Variants in SCN11A observed in about 807,000 individuals in gnomAD.
SCN11A encodes sodium voltage-gated channel alpha subunit 11.
In SCN11A, 122 loss-of-function variants were observed where a neutral mutation model predicts 162.2. The observed-to-expected ratio is 0.75, with a 90% CI of 0.65 to 0.87. SCN11A has a LOEUF of 0.87. Ranked by LOEUF, SCN11A falls within the 40% of genes least tolerant of loss-of-function variation. The pLI is 0.00. For synonymous variants in SCN11A, 758 were observed against 751.5 expected, an observed-to-expected ratio of 1.01 and a Z score of -0.14; for missense variants, 2,015 against 2,181.6, an observed-to-expected ratio of 0.92 and a Z score of 1.52.
intron 16 of SCN11A, among the ~76,000 whole-genome samples, chr3:38,901,746 G>A (rs1181555367): frequency 6.6e-6 from 1 of 152,170 alleles, no homozygotes; most frequent in Non-Finnish European, 1.5e-5. Flanking sequence ...TAGTGTGGCT[G>A]CCATTTTGGT....
At chr3:38,909,925 T>C in intron 12 of SCN11A, 141 bp downstream of exon 12, 1 of 904,418 alleles carries the variant, frequency 1.1e-6, no homozygotes, top group South Asian at 1.8e-5. Flanking sequence ...ACAGTACAAC[T>C]GTTAAAGATG....
At chr3:38,913,670 G>A (rs1334209109) in intron 11 of SCN11A, among the ~76,000 whole-genome samples, 1 of 152,114 alleles carries the variant, frequency 6.6e-6, no homozygotes, top group Non-Finnish European at 1.5e-5. Flanking sequence ...GTTGATTTTT[G>A]TATATGGTGT....
At chr3:39,036,567 A>C (rs1264521680) in intron 1 of SCN11A, among the ~76,000 whole-genome samples, 1 of 152,238 alleles carries the variant, frequency 6.6e-6, no homozygotes, top group Non-Finnish European at 1.5e-5. Flanking sequence ...TGAAGAGAGA[A>C]TACATAGAAC....
At chr3:38,909,802 C>G (rs2065860246) in intron 12 of SCN11A, among the ~76,000 whole-genome samples, 2 of 151,936 alleles carry the variant, frequency 1.3e-5, no homozygotes, top group Non-Finnish European at 2.9e-5. Flanking sequence ...AGGCTGGTCT[C>G]AAACTCCTGA....
At chr3:38,942,816 A>G (rs1164995504) in intron 7 of SCN11A, among the ~76,000 whole-genome samples, 2 of 152,196 alleles carry the variant, frequency 1.3e-5, no homozygotes, top group Non-Finnish European at 2.9e-5. Context: ...TTAAAATCAA[A>G]GCAAATTGAA....
chr3:38,909,851 C>T (rs569915800), intron 12 of SCN11A, among the ~76,000 whole-genome samples: 36 of 152,060 alleles, frequency 2.4e-4, no homozygotes, highest in Non-Finnish European at 4.3e-4. Flanking sequence ...GGATTACAGG[C>T]GGGAGTCAGC....
rs909077305 is a variant in SCN11A, at chr3:39,004,581, G to A, written c.-280+27799C>T. Among the ~76,000 whole-genome samples the A allele has an allele frequency of 2.6e-5, 4 of 152,098 alleles. No individual in the cohort carries two copies. The East Asian group carries it at 7.7e-4, about 29-fold the overall frequency. ...AAGAATGTAATTGGTAGTTTGATAGGAATAGCATTGAATCTGTAAATTGCT... is the reference window on the plus strand; with the variant it reads ...AAGAATGTAATTGGTAGTTTGATAGAAATAGCATTGAATCTGTAAATTGCT... On this transcript the variant is annotated intron_variant, in intron 2 of 29. Coordinates refer to ENST00000302328, the MANE Select transcript of SCN11A (RefSeq NM_001349253.2).
intron 24 of SCN11A, 87 bp downstream of exon 24, chr3:38,872,106 T>G: frequency 1.2e-6 from 1 of 838,622 alleles, no homozygotes; most frequent in Non-Finnish European, 2.0e-6. Context: ...CTTGGCAATT[T>G]AAGGAAATCT....
chr3:39,021,856 G>A (rs954363790), intron 2 of SCN11A, among the ~76,000 whole-genome samples: 10 of 152,130 alleles, frequency 6.6e-5, no homozygotes, highest in African/African-American at 2.2e-4. Context: ...TCAACTGACT[G>A]CTTGGCCAAG....
chr3:38,898,235 C>T (rs763171787), intron 17 of SCN11A, among the ~76,000 whole-genome samples: 1 of 152,088 alleles, frequency 6.6e-6, no homozygotes, highest in African/African-American at 2.4e-5. Context: ...CAAACTCTGT[C>T]TCAAAAAAGA....
At position 38,880,651 on chromosome 3, in the gene SCN11A, C is replaced by T. The variant is rs540634726; in HGVS notation, c.3220-528G>A. Reference sequence around the variant, plus strand: ...AGCCTTATCCATTTACCTTACCATTCCCTACAAATAGTGTCATTTCTTATG... The same window carrying T: ...AGCCTTATCCATTTACCTTACCATTTCCTACAAATAGTGTCATTTCTTATG... On this transcript the variant is annotated intron_variant, in intron 22 of 29. Coordinates refer to ENST00000302328, the MANE Select transcript of SCN11A (RefSeq NM_001349253.2). 2.6e-5 allele frequency among the ~76,000 whole-genome samples: 4 copies of T among 152,282 alleles called. No individual in the cohort carries two copies. The South Asian group carries it at 8.3e-4, about 32-fold the overall frequency.
chr3:39,031,672 T>C (rs909520256), intron 2 of SCN11A, among the ~76,000 whole-genome samples: 5 of 152,214 alleles, frequency 3.3e-5, no homozygotes, highest in African/African-American at 1.2e-4. Flanking sequence ...CTATGTATAC[T>C]TATATAATCT....
intron 28 of SCN11A, among the ~76,000 whole-genome samples, chr3:38,860,133 G>A (rs1481444047): frequency 6.6e-6 from 1 of 151,820 alleles, no homozygotes; most frequent in African/African-American, 2.4e-5. Flanking sequence ...TATCAAACCT[G>A]ACCAATTAGC....
chr3:38,894,719 C>G lies in SCN11A; in HGVS notation c.2649G>C (p.Leu883=), dbSNP rs756702915. The G allele has an allele frequency of 1.8e-5, 29 of 1,614,026 alleles. No homozygotes were observed. Among genetic ancestry groups the G allele is most frequent in the Middle Eastern group, 1.6e-4 (1 of 6,084 alleles). ...CTGAGCCCCTTTTCATCTCCATGAC[C>G]AGGGGAATGATGTCTTTGCTTTGTG... The part of the protein sequence containing the change: ...CAAQSKDIIP[L]VMEMKRGSET... Residue 883 remains leucine, a synonymous_variant, in exon 19 of 30, where the codon CTG becomes CTC. Coordinates refer to ENST00000302328, the MANE Select transcript of SCN11A (RefSeq NM_001349253.2).
chr3:38,849,111 T>C (rs185573104), intron 29 of SCN11A, among the ~76,000 whole-genome samples: 1 of 152,238 alleles, frequency 6.6e-6, no homozygotes, highest in Admixed American at 6.5e-5. Flanking sequence ...AGGACAAAAG[T>C]CAGAAACATT....
chr3:38,900,145 G>A (rs913162315), intron 16 of SCN11A, 72 bp from the exon 17 acceptor site: 1 of 1,166,128 alleles, frequency 8.6e-7, no homozygotes, highest in Non-Finnish European at 1.3e-6. Flanking sequence ...CCCAAGGGAA[G>A]TACAGAGGTT....
At chr3:38,976,653 A>G (rs1029336452) in intron 2 of SCN11A, among the ~76,000 whole-genome samples, 1 of 152,214 alleles carries the variant, frequency 6.6e-6, no homozygotes, top group African/African-American at 2.4e-5. Context: ...GATAAGGGAT[A>G]CTAAACCTGT....
At chr3:38,990,958 G>A (rs557227653) in intron 2 of SCN11A, among the ~76,000 whole-genome samples, 1 of 152,082 alleles carries the variant, frequency 6.6e-6, no homozygotes, top group East Asian at 1.9e-4. Flanking sequence ...CACAGAGTGG[G>A]GACTCTGCTC....
chr3:38,853,239 A>C (rs1296166716), intron 28 of SCN11A, among the ~76,000 whole-genome samples: 1 of 152,188 alleles, frequency 6.6e-6, no homozygotes, highest in Non-Finnish European at 1.5e-5. Context: ...AGTTAATGCC[A>C]AACCCAAGAC....
Sources: allele counts gnomAD v4.1 joint callset (sites outside exome capture counted in the v4.1 genomes callset), GRCh38; gene constraint gnomAD v4.1.1; transcripts MANE v1.5; gene names NCBI Gene and HGNC (gene_info 2026-07-23, HGNC 2026-07-21).